TMEM41B: variants seen among roughly 807,000 people sequenced by gnomAD.
The protein encoded by TMEM41B is transmembrane protein 41B.
TMEM41B carries 18 observed loss-of-function variants against 31.9 expected under a neutral mutation model. That is an observed-to-expected ratio of 0.56 (90% CI 0.39 to 0.84). The LOEUF (loss-of-function observed/expected upper bound fraction) is 0.84. TMEM41B is among the 40% of genes least tolerant of loss of function. The probability of loss-of-function intolerance (pLI) is 0.00; values close to 1 mark genes in which losing one functional copy is unlikely to be tolerated. For missense variants in TMEM41B, 322 were observed against 348.0 expected, an observed-to-expected ratio of 0.93 and a Z score of 0.59; for synonymous variants, 144 against 124.3, an observed-to-expected ratio of 1.16 and a Z score of -1.05.
At chr11:9,311,577 G>C in intron 1 of TMEM41B, 1 of 1,084,066 alleles carries the variant, frequency 9.2e-7, no homozygotes. Flanking sequence ...ACAGGGGCCT[G>C]GGGGAAAGGG....
chr11:9,314,362 G>A lies in TMEM41B; in HGVS notation c.80C>T (p.Thr27Met), dbSNP rs189862474. 3.1e-6 allele frequency: 5 copies of A among 1,588,266 alleles called. No homozygotes were observed. The highest frequency in any genetic ancestry group is 1.4e-5 in the African/African-American group (1 of 73,906). The change falls in exon 1 of 7, where the codon ACG (threonine) becomes ATG (methionine). Residue 27 changes from threonine to methionine, a missense_variant. By Grantham distance (81) the Thr-to-Met change is moderately conservative. This residue lies in a region of TMEM41B where 183 missense variants were observed against 175.3 expected (regional missense o/e 1.04). Transcript: ENST00000528080. ...GCTGCCAGGCGCCGCGAGACCCCGC[G>A]TCCCCGCTGCCCCGTCCCCCACGGG... is the stretch of plus-strand genomic sequence containing the variant. ...TTPVGDGAAG[T>M]RGLAAPGSRD...
intron 1 of TMEM41B, among the ~76,000 whole-genome samples, chr11:9,309,927 A>C (rs1223735953): frequency 2.0e-5 from 3 of 151,542 alleles, no homozygotes; most frequent in Admixed American, 6.6e-5. Context: ...CATCTCAAAA[A>C]AAAAAACAAA....
intron 2 of TMEM41B, 32 bp downstream of exon 2, chr11:9,299,552 T>G: frequency 7.3e-7 from 1 of 1,373,796 alleles, no homozygotes; most frequent in Non-Finnish European, 1.0e-6. Flanking sequence ...TAAATATCTA[T>G]ACATTTTCAG....
rs1380219251 is a variant in TMEM41B, at chr11:9,311,795, CA to C, written c.121+2525del. Reference sequence around the variant, plus strand: ...TGTCTGCTCTCTCATCTTCATCATGCAAAAATTAGACTTTCCGTGTTACCTC... The same window carrying C: ...TGTCTGCTCTCTCATCTTCATCATGCAAAATTAGACTTTCCGTGTTACCTC... On this transcript the variant is annotated intron_variant, in intron 1 of 6. Transcript: ENST00000528080. 22 of 564,806 alleles carry C rather than the reference CA, an allele frequency of 3.9e-5. No individual in the cohort carries two copies. The Admixed American group carries it at 7.0e-4, about 18-fold the overall frequency. 35.0% of individuals were successfully genotyped at this position (564,806 alleles called of 1,614,324 possible). A position where few individuals can be genotyped will look rare whatever the true frequency, so the allele number is the denominator to read the frequency against.
intron 1 of TMEM41B, among the ~76,000 whole-genome samples, chr11:9,308,066 G>A (rs747551556): frequency 3.9e-5 from 6 of 152,100 alleles, no homozygotes; most frequent in Non-Finnish European, 8.8e-5. Context: ...CACAACAGAG[G>A]CGAGACACAG....
chr11:9,288,742 C>T (rs373839296), intron 3 of TMEM41B, among the ~76,000 whole-genome samples: 9 of 151,910 alleles, frequency 5.9e-5, no homozygotes, highest in African/African-American at 1.7e-4. Context: ...GACAAAAAAC[C>T]GTATGTTCTA....
At chr11:9,301,247 T>G (rs902242837) in intron 1 of TMEM41B, among the ~76,000 whole-genome samples, 3 of 151,808 alleles carry the variant, frequency 2.0e-5, no homozygotes, top group African/African-American at 7.3e-5. Context: ...TACAAAAAAT[T>G]AGCTGGGCAT....
intron 1 of TMEM41B, 107 bp downstream of exon 1, chr11:9,314,214 G>A (rs1853631896): frequency 1.5e-6 from 2 of 1,351,532 alleles, no homozygotes; most frequent in South Asian, 1.5e-5. Context: ...GCGCCAGCAG[G>A]CCCCCCTCTT....
chr11:9,306,810 T>C (rs1853410085), intron 1 of TMEM41B, among the ~76,000 whole-genome samples: 1 of 152,242 alleles, frequency 6.6e-6, no homozygotes, highest in South Asian at 2.1e-4. Context: ...AAAAGAGCTA[T>C]TTCAAGTCAC....
rs1852706991 is a variant in TMEM41B at position 9,280,981 on chromosome 11, G to A, written c.*2443C>T. 1 of 151,894 alleles carries A rather than the reference G, an allele frequency of 6.6e-6. No individual in the cohort carries two copies. The highest frequency in any genetic ancestry group is 2.4e-5 in the African/African-American group (1 of 41,330). 9.4% of individuals were successfully genotyped at this position (151,894 alleles called of 1,614,324 possible). A position where few individuals can be genotyped will look rare whatever the true frequency, so the allele number is the denominator to read the frequency against. ...TCCTTTCTTGACAGTCAATGATGATGAATCTGGAAAAACTGTCTATTCTCT... is the reference window on the plus strand; with the variant it reads ...TCCTTTCTTGACAGTCAATGATGATAAATCTGGAAAAACTGTCTATTCTCT... On this transcript the variant is annotated 3_prime_UTR_variant, in exon 7 of 7. Transcript: ENST00000528080.
At chr11:9,307,152 T>A (rs1200800572) in intron 1 of TMEM41B, among the ~76,000 whole-genome samples, 1 of 152,168 alleles carries the variant, frequency 6.6e-6, no homozygotes, top group Non-Finnish European at 1.5e-5. Context: ...AAGCAAAATA[T>A]TCCAATGTCT....
At chr11:9,285,111 G>T (rs11042264) in intron 6 of TMEM41B, among the ~76,000 whole-genome samples, 4 of 135,498 alleles carry the variant, frequency 3.0e-5, no homozygotes, top group Non-Finnish European at 3.1e-5. Flanking sequence ...TTTTGAGACA[G>T]TGTCTTGCTG....
intron 4 of TMEM41B, 84 bp from the exon 5 acceptor site, chr11:9,287,890 T>A: frequency 1.0e-6 from 1 of 978,190 alleles, no homozygotes; most frequent in Non-Finnish European, 1.6e-6. Flanking sequence ...AAAGCTCAAT[T>A]AATTTACTTC....
intron 3 of TMEM41B, among the ~76,000 whole-genome samples, chr11:9,291,313 C>A (rs1302085027): frequency 6.6e-6 from 1 of 151,852 alleles, no homozygotes; most frequent in Non-Finnish European, 1.5e-5. Context: ...ACTCGGGCAG[C>A]GGAGGTTGCA....
At chr11:9,294,162 CAG>C (rs1165726380) in intron 3 of TMEM41B, among the ~76,000 whole-genome samples, 2 of 125,426 alleles carry the variant, frequency 1.6e-5, no homozygotes, top group East Asian at 2.2e-4. Context: ...GCCTGGGTGA[CAG>C]GGGGAGAACC....
At chr11:9,311,704 T>C in intron 1 of TMEM41B, 2 of 754,336 alleles carry the variant, frequency 2.7e-6, no homozygotes, top group South Asian at 1.4e-5. Flanking sequence ...AGGTGTGTCC[T>C]CCAGCCTTTC....
chr11:9,283,405 A>T lies in TMEM41B; in HGVS notation c.*19T>A. 1 of 1,594,972 alleles carries T rather than the reference A, an allele frequency of 6.3e-7. No homozygotes were observed. The highest frequency in any genetic ancestry group is 8.5e-7 in the Non-Finnish European group (1 of 1,170,486). ...CTGAGATGGTGATGACAGCAAAACT[A>T]AAAATCAGATGATTATTTTTACTCA... On this transcript the variant is annotated 3_prime_UTR_variant, in exon 7 of 7. Transcript: ENST00000528080.
At chr11:9,297,375 G>A (rs1278848456) in intron 2 of TMEM41B, among the ~76,000 whole-genome samples, 5 of 152,240 alleles carry the variant, frequency 3.3e-5, no homozygotes, top group Admixed American at 2.0e-4. Flanking sequence ...ATGAGCCACC[G>A]CGCCAGGCCG....
At position 9,286,549 on chromosome 11, in the gene TMEM41B, C is replaced by A. The variant is rs1158955780; in HGVS notation, c.612G>T (p.Leu204Phe). The A allele has an allele frequency of 1.2e-6, 2 of 1,612,606 alleles. No individual in the cohort carries two copies. The highest frequency in any genetic ancestry group is 2.2e-5 in the East Asian group (1 of 44,844). Residue 204 changes from leucine (L) to phenylalanine (F), a missense_variant, in exon 6 of 7, where the codon TTG becomes TTT. Leu to Phe is a conservative substitution (Grantham distance 22, BLOSUM62 0). Transcript: ENST00000528080. ...REHLINYIIF[L>F]RITPFLPNWF... ...AATTAGGCAGAAATGGTGTTATTCT[C>A]AAAAATATAATGTAGTTAATGAGAT...
Sources: allele counts gnomAD v4.1 joint callset (sites outside exome capture counted in the v4.1 genomes callset), GRCh38; gene constraint gnomAD v4.1.1; regional missense constraint gnomAD v4.1.1; transcripts MANE v1.5; gene names NCBI Gene and HGNC (gene_info 2026-07-23, HGNC 2026-07-21).